Variants in KCTD8 observed in about 807,000 individuals in gnomAD.
KCTD8 encodes the protein BTB/POZ domain-containing protein KCTD8.
In KCTD8, 27 loss-of-function variants were observed where a neutral mutation model predicts 31.5. That is an observed-to-expected ratio of 0.86 (90% CI 0.63 to 1.18). The LOEUF is 1.18. Among genes scored for constraint, KCTD8 ranks in the 50% most tolerant of loss-of-function variants. KCTD8 has a pLI of 0.00. For synonymous variants in KCTD8, 290 were observed against 280.0 expected, an observed-to-expected ratio of 1.04 and a Z score of -0.36; for missense variants, 658 against 647.7, an observed-to-expected ratio of 1.02 and a Z score of -0.17.
At chr4:44,293,612 TC>T in intron 1 of KCTD8, 1 of 347,876 alleles carries the variant, frequency 2.9e-6, no homozygotes, top group Non-Finnish European at 5.6e-6. Context: ...AGATTTCTAG[TC>T]TTTAATTTTT....
intron 1 of KCTD8, among the ~76,000 whole-genome samples, chr4:44,334,365 A>C (rs1718663766): frequency 6.6e-6 from 1 of 152,076 alleles, no homozygotes; most frequent in African/African-American, 2.4e-5. Context: ...TGGATACATC[A>C]TGATGAAGGA....
At chr4:44,413,587 T>C (rs576054924) in intron 1 of KCTD8, among the ~76,000 whole-genome samples, 70 of 152,050 alleles carry the variant, frequency 4.6e-4, no homozygotes, top group Middle Eastern at 3.4e-3. Context: ...CCTAAATCAA[T>C]GCTTAAAGGG....
At chr4:44,232,974 T>A (rs1476524905) in intron 1 of KCTD8, among the ~76,000 whole-genome samples, 1 of 152,042 alleles carries the variant, frequency 6.6e-6, no homozygotes, top group African/African-American at 2.4e-5. Flanking sequence ...ACTCACTTTT[T>A]TCATAAAACG....
rs113088616 is a variant in KCTD8, at chr4:44,310,966, T to A, written c.962-135716A>T. 4.2e-3 allele frequency among the ~76,000 whole-genome samples: 642 copies of A among 152,182 alleles called. 3 individuals are homozygous for A. Among genetic ancestry groups the A allele is most frequent in the Non-Finnish European group, 7.3e-3 (494 of 67,944 alleles). On this transcript the variant is annotated intron_variant, in intron 1 of 1. Transcript: ENST00000360029. ...ATCACAAGACCAGAACAAAGCAGAA[T>A]TGTTCCATGCTTCTGCAACCCCTAT...
intron 1 of KCTD8, among the ~76,000 whole-genome samples, chr4:44,235,577 T>TATATATATATATATATATA (rs1715265203): frequency 2.6e-5 from 1 of 38,920 alleles, no homozygotes; most frequent in Non-Finnish European, 5.0e-5. Context: ...ATATATATAT[T>TATATATATATATATATATA]TAGAGAGAGA....
At chr4:44,207,996 T>G (rs1485602256) in intron 1 of KCTD8, among the ~76,000 whole-genome samples, 1 of 152,160 alleles carries the variant, frequency 6.6e-6, no homozygotes, top group Non-Finnish European at 1.5e-5. Flanking sequence ...CCACTTGACC[T>G]ATTTGGTGAC....
chr4:44,367,816 T>G (rs1366404195), intron 1 of KCTD8, among the ~76,000 whole-genome samples: 2 of 151,620 alleles, frequency 1.3e-5, no homozygotes, highest in African/African-American at 4.8e-5. Flanking sequence ...AAGATACTCA[T>G]GATTTGATAT....
chr4:44,240,911 A>T (rs906029997), intron 1 of KCTD8, among the ~76,000 whole-genome samples: 1 of 152,228 alleles, frequency 6.6e-6, no homozygotes, highest in South Asian at 2.1e-4. Flanking sequence ...ATCTGTCAGA[A>T]GGTGCTAAGA....
chr4:44,427,161 A>ACTT lies in KCTD8; in HGVS notation c.961+20399_961+20401dup, dbSNP rs560697232. ...CTAGAAGTAGAAGAGAATATCCTAA[A>ACTT]CTTGGTGATGGTTATGAACCAAATA... On this transcript the variant is annotated intron_variant, in intron 1 of 1. Transcript: ENST00000360029. 9.0e-4 allele frequency among the ~76,000 whole-genome samples: 136 copies of ACTT among 151,528 alleles called. 1 individual carries two copies. The highest frequency in any genetic ancestry group is 3.0e-3 in the African/African-American group (125 of 41,514).
intron 1 of KCTD8, among the ~76,000 whole-genome samples, chr4:44,283,840 A>G (rs1257823785): frequency 6.6e-6 from 1 of 152,124 alleles, no homozygotes; most frequent in Non-Finnish European, 1.5e-5. Context: ...ATAACAGACA[A>G]ACAGAGAGCC....
intron 1 of KCTD8, among the ~76,000 whole-genome samples, chr4:44,197,721 T>C (rs1713990167): frequency 6.6e-6 from 1 of 151,904 alleles, no homozygotes; most frequent in Non-Finnish European, 1.5e-5. Context: ...TGGGAAAAAA[T>C]CAGCCTAAGA....
intron 1 of KCTD8, among the ~76,000 whole-genome samples, chr4:44,199,296 G>T (rs1714057676): frequency 6.6e-6 from 1 of 151,916 alleles, no homozygotes; most frequent in South Asian, 2.1e-4. Flanking sequence ...TCAACCATTT[G>T]GACCAAATAG....
chr4:44,196,084 C>T (rs1172536849), intron 1 of KCTD8, among the ~76,000 whole-genome samples: 3 of 152,220 alleles, frequency 2.0e-5, no homozygotes, highest in Non-Finnish European at 4.4e-5. Flanking sequence ...CTAGAGGCCA[C>T]ATCCTTTGTG....
chr4:44,288,062 T>G (rs1405332911), intron 1 of KCTD8, among the ~76,000 whole-genome samples: 2 of 152,188 alleles, frequency 1.3e-5, no homozygotes, highest in Admixed American at 1.3e-4. Context: ...ATTAAATATA[T>G]GTCAAATTTT....
chr4:44,335,349 A>G (rs1220028357), intron 1 of KCTD8, among the ~76,000 whole-genome samples: 1 of 152,166 alleles, frequency 6.6e-6, no homozygotes, highest in African/African-American at 2.4e-5. Flanking sequence ...CCAATTTTAT[A>G]TTAAAGGAAG....
At chr4:44,266,458 A>T (rs1210551973) in intron 1 of KCTD8, among the ~76,000 whole-genome samples, 1 of 152,264 alleles carries the variant, frequency 6.6e-6, no homozygotes, top group African/African-American at 2.4e-5. Flanking sequence ...TGTAAAGATC[A>T]TCGAGTCTAG....
intron 1 of KCTD8, among the ~76,000 whole-genome samples, chr4:44,294,791 A>G (rs1368754689): frequency 6.6e-6 from 1 of 152,202 alleles, no homozygotes; most frequent in Non-Finnish European, 1.5e-5. Flanking sequence ...AGAGCCCAGT[A>G]TACAGAACAG....
chr4:44,241,842 G>A (rs977646244), intron 1 of KCTD8, among the ~76,000 whole-genome samples: 2 of 152,166 alleles, frequency 1.3e-5, no homozygotes, highest in African/African-American at 4.8e-5. Flanking sequence ...TGGTAATGAA[G>A]ATTGTTTCAG....
intron 1 of KCTD8, among the ~76,000 whole-genome samples, chr4:44,399,898 T>C (rs2109455684): frequency 6.6e-6 from 1 of 152,322 alleles, no homozygotes; most frequent in Middle Eastern, 3.4e-3. Flanking sequence ...TATATTCTTT[T>C]CTAGATAAGC....
Sources: gnomAD v4.1 joint callset for allele counts (sites outside exome capture counted in the v4.1 genomes callset) on GRCh38, gnomAD v4.1.1 for gene constraint, MANE v1.5 for transcripts, NCBI Gene and HGNC (gene_info 2026-07-23, HGNC 2026-07-21) for gene names.